Variants in RP1 observed in about 807,000 individuals in gnomAD.
RP1 encodes RP1 axonemal microtubule associated, also known as oxygen-regulated protein 1.
In RP1, 16 loss-of-function variants were observed where a neutral mutation model predicts 14.8. The ratio of observed to expected loss-of-function variants is 1.08; its 90% CI spans 0.73 to 1.65. The LOEUF is 1.65. Ranked by LOEUF, RP1 falls within the 40% of genes most tolerant of loss-of-function variation. The pLI, the probability that RP1 is intolerant of heterozygous loss-of-function variation, is 0.00. For missense variants in RP1, 2,631 were observed against 2,535.0 expected, an observed-to-expected ratio of 1.04 and a Z score of -0.81; for synonymous variants, 876 against 883.6, an observed-to-expected ratio of 0.99 and a Z score of 0.15.
At chr8:54,862,722 G>C (rs1258389729) in intron 27 of RP1, among the ~76,000 whole-genome samples, 1 of 152,014 alleles carries the variant, frequency 6.6e-6, no homozygotes, top group Non-Finnish European at 1.5e-5. Flanking sequence ...AAAGTCCCCT[G>C]CAACACTGTC....
At chr8:54,833,214 C>T (rs1811574820) in intron 24 of RP1, among the ~76,000 whole-genome samples, 1 of 151,936 alleles carries the variant, frequency 6.6e-6, no homozygotes, top group Non-Finnish European at 1.5e-5. Context: ...TCTGCCCATT[C>T]TTCAGAAGAT....
chr8:54,629,431 A>AT lies in RP1; in HGVS notation c.5550dup (p.His1851SerfsTer7). On this transcript the variant is annotated frameshift_variant, in exon 4 of 4. Coordinates refer to ENST00000220676, the MANE Select transcript of RP1 (RefSeq NM_006269.2). LOFTEE classifies it low-confidence loss of function (END_TRUNC). ...TGTGCCAAGGAAAGAATAGCAAATC[A>AT]TCATACAGAGGAGAAGGGTAGTCAT... The AT allele has an allele frequency of 6.2e-7, 1 of 1,614,186 alleles. No homozygotes were observed. The highest frequency in any genetic ancestry group is 8.5e-7 in the Non-Finnish European group (1 of 1,180,006).
chr8:54,570,892 G>A (rs938888205), intron 1 of RP1, among the ~76,000 whole-genome samples: 3 of 152,184 alleles, frequency 2.0e-5, no homozygotes, highest in South Asian at 2.1e-4. Context: ...GACTCATGCC[G>A]TGAGTCTGGA....
chr8:54,861,672 G>T (rs537091769), intron 27 of RP1, among the ~76,000 whole-genome samples: 2 of 151,596 alleles, frequency 1.3e-5, no homozygotes, highest in Non-Finnish European at 2.9e-5. Flanking sequence ...GTGTGATCTT[G>T]GCTTACTGCA....
rs535470705 is a variant in RP1 at position 54,798,670 on chromosome 8, T to C, written c.3615+14960T>C. Among the ~76,000 whole-genome samples the C allele has an allele frequency of 1.1e-4, 17 of 152,316 alleles. No homozygotes were observed. In the South Asian group the frequency reaches 2.5e-3, roughly 22 times the overall value. On this transcript the variant is annotated intron_variant, in intron 24 of 28. Coordinates refer to the RP1 transcript ENST00000637698. ...AGGGCATTAGTGTTCTTATTGCATGTTGAGCCACATAAATTTGAAGTGATT... is the reference window on the plus strand; with the variant it reads ...AGGGCATTAGTGTTCTTATTGCATGCTGAGCCACATAAATTTGAAGTGATT...
intron 1 of RP1, among the ~76,000 whole-genome samples, chr8:54,616,803 A>T (rs1805727423): frequency 6.6e-6 from 1 of 152,208 alleles, no homozygotes; most frequent in African/African-American, 2.4e-5. Flanking sequence ...TAGTGAAATG[A>T]CGCATGTAAC....
intron 24 of RP1, among the ~76,000 whole-genome samples, chr8:54,798,153 ACAG>A (rs1810619422): frequency 6.6e-6 from 1 of 152,052 alleles, no homozygotes; most frequent in Non-Finnish European, 1.5e-5. Flanking sequence ...AGCTGGGACT[ACAG>A]GCACGTGCCA....
In RP1 at chr8:54,843,876, C is replaced by G. The variant is rs183046528; in HGVS notation, c.3835+6207C>G. 2.0e-5 allele frequency among the ~76,000 whole-genome samples: 3 copies of G among 152,268 alleles called. No individual in the cohort carries two copies. In the East Asian group the frequency reaches 5.8e-4, roughly 29 times the overall value. ...GTCCCTGGGGCAGTCATTAGTGTTA[C>G]CTAGGCGCTTTAGAGCCTCATGGCT... On this transcript the variant is annotated intron_variant, in intron 25 of 28. Coordinates refer to the RP1 transcript ENST00000637698.
At chr8:54,588,570 C>T (rs573292462) in intron 1 of RP1, among the ~76,000 whole-genome samples, 29 of 152,300 alleles carry the variant, frequency 1.9e-4, no homozygotes, top group African/African-American at 6.7e-4. Flanking sequence ...ACTAAACCAA[C>T]TTTTAAGTTG....
chr8:54,694,712 T>C (rs1807812122), intron 12 of RP1, among the ~76,000 whole-genome samples: 2 of 152,040 alleles, frequency 1.3e-5, no homozygotes, highest in Non-Finnish European at 2.9e-5. Context: ...TTCTGTCTTT[T>C]CTTTTTTATT....
At chr8:54,782,514 G>A (rs1810213908) in intron 23 of RP1, among the ~76,000 whole-genome samples, 1 of 152,074 alleles carries the variant, frequency 6.6e-6, no homozygotes, top group African/African-American at 2.4e-5. Context: ...AAAAATACAA[G>A]GTTGTAGGTT....
chr8:54,701,666 A>T, intron 14 of RP1: 1 of 1,534,418 alleles, frequency 6.5e-7, no homozygotes, highest in Non-Finnish European at 8.7e-7. Flanking sequence ...TGTCAAGGTA[A>T]AATGGAGAAA....
chr8:54,701,736 TA>T, intron 14 of RP1: 1 of 1,339,166 alleles, frequency 7.5e-7, no homozygotes, highest in African/African-American at 1.5e-5. Context: ...GCAAAAGTCT[TA>T]AATTGAGTCA....
intron 16 of RP1, chr8:54,726,236 A>C (rs929581628): frequency 8.0e-7 from 1 of 1,251,526 alleles, no homozygotes; most frequent in Admixed American, 3.1e-5. Flanking sequence ...AGGCATTGAA[A>C]TGGAAACAAT....
At chr8:54,829,197 A>T (rs1277410556) in intron 24 of RP1, among the ~76,000 whole-genome samples, 1 of 152,124 alleles carries the variant, frequency 6.6e-6, no homozygotes, top group Non-Finnish European at 1.5e-5. Context: ...TATGCAGTGC[A>T]TGACTATATA....
chr8:54,846,123 C>T (rs1260658373), intron 25 of RP1, among the ~76,000 whole-genome samples: 1 of 151,900 alleles, frequency 6.6e-6, no homozygotes. Context: ...ACTTCTTGGC[C>T]GAAGAAGAAT....
intron 24 of RP1, among the ~76,000 whole-genome samples, chr8:54,830,809 C>A (rs1811501161): frequency 6.6e-6 from 1 of 152,096 alleles, no homozygotes; most frequent in Non-Finnish European, 1.5e-5. Context: ...AGTTCCAAAA[C>A]ATTTTCATCA....
At chr8:54,631,611 G>T (rs1806246984), downstream of RP1, among the ~76,000 whole-genome samples, 1 of 151,622 alleles carries the variant, frequency 6.6e-6, no homozygotes, top group Non-Finnish European at 1.5e-5. Context: ...TTACAGTAGG[G>T]TATCATGCCA....
At chr8:54,843,824 G>A (rs1206219944) in intron 25 of RP1, among the ~76,000 whole-genome samples, 5 of 152,164 alleles carry the variant, frequency 3.3e-5, no homozygotes, top group East Asian at 1.9e-4. Flanking sequence ...AAGCAGGCCC[G>A]CTGTTGGGAA....
Sources: gnomAD v4.1 joint callset for allele counts (sites outside exome capture counted in the v4.1 genomes callset) on GRCh38, gnomAD v4.1.1 for gene constraint, MANE v1.5 for transcripts, NCBI Gene and HGNC (gene_info 2026-07-23, HGNC 2026-07-21) for gene names.